Variants in ACACB observed in about 807,000 individuals in gnomAD.
The protein encoded by ACACB is acetyl-CoA carboxylase 2.
Under a neutral mutation model 278.8 loss-of-function variants are expected in ACACB, and 209 were observed. The ratio of observed to expected loss-of-function variants is 0.75; its 90% CI spans 0.67 to 0.84. The LOEUF (loss-of-function observed/expected upper bound fraction) is 0.84. Among genes scored for constraint, ACACB ranks in the 40% least tolerant of loss-of-function variants. ACACB has a pLI of 0.00. For missense variants in ACACB, 2,850 were observed against 3,269.0 expected (o/e 0.87, Z 3.13); for synonymous variants, 1,174 against 1,285.6 (o/e 0.91, Z 1.86).
chr12:109,169,115 G>A (rs1172152665), intron 4 of ACACB, among the ~76,000 whole-genome samples: 6 of 140,086 alleles, frequency 4.3e-5, no homozygotes, highest in Middle Eastern at 4.2e-3. Context: ...ACTGCACTGC[G>A]GCCTGGGCGA....
chr12:109,148,168 A>T (rs2043289055), intron 2 of ACACB, among the ~76,000 whole-genome samples: 1 of 152,190 alleles, frequency 6.6e-6, no homozygotes. Flanking sequence ...GGACTTGGAA[A>T]CAGTCCCTGA....
intron 47 of ACACB, among the ~76,000 whole-genome samples, chr12:109,259,476 A>G (rs903812462): frequency 5.9e-5 from 9 of 151,554 alleles, no homozygotes; most frequent in Middle Eastern, 3.2e-3. Context: ...TGTCCCAGCT[A>G]TTTGGGAGGC....
intron 11 of ACACB, among the ~76,000 whole-genome samples, chr12:109,183,723 A>T (rs913798195): frequency 2.0e-4 from 31 of 152,128 alleles, no homozygotes; most frequent in Admixed American, 2.0e-3. Context: ...TATCATCTGT[A>T]AACAAGGATA....
chr12:109,146,040 A>T (rs1282748000), intron 2 of ACACB, among the ~76,000 whole-genome samples: 1 of 152,132 alleles, frequency 6.6e-6, no homozygotes, highest in Non-Finnish European at 1.5e-5. Context: ...TTTTCTTGAT[A>T]AGTTGCTAAA....
In ACACB at chr12:109,205,287, T is replaced by C. The variant is rs539293691; in HGVS notation, c.2914-1423T>C. Among the ~76,000 whole-genome samples the C allele has an allele frequency of 2.0e-3, 309 of 152,334 alleles. 1 individual carries two copies. Among genetic ancestry groups the C allele is most frequent in the Middle Eastern group, 6.8e-3 (2 of 294 alleles). ...TGTGCTGGGTTAATGAGGCAGGGCCTGCCCACCCATTCCCTGCAGCCTCAC... is the reference window on the plus strand; with the variant it reads ...TGTGCTGGGTTAATGAGGCAGGGCCCGCCCACCCATTCCCTGCAGCCTCAC... On this transcript the variant is annotated intron_variant, in intron 19 of 52. Coordinates refer to ENST00000338432, the MANE Select transcript of ACACB (RefSeq NM_001093.4).
chr12:109,175,033 C>T (rs2044240013), intron 7 of ACACB, among the ~76,000 whole-genome samples: 1 of 152,128 alleles, frequency 6.6e-6, no homozygotes, highest in South Asian at 2.1e-4. Context: ...CATGGTTAAA[C>T]AATTTAGGTT....
intron 2 of ACACB, among the ~76,000 whole-genome samples, chr12:109,143,462 C>CA (rs10696128): frequency 0.015 from 1,540 of 103,976 alleles, 55 homozygotes; most frequent in African/African-American, 0.039. Context: ...GACCCTGTCT[C>CA]AAAAAAAAAA....
intron 16 of ACACB, 113 bp downstream of exon 16, chr12:109,193,842 T>G: frequency 2.2e-6 from 2 of 920,160 alleles, no homozygotes; most frequent in Non-Finnish European, 3.4e-6. Context: ...GTTTGAGCTC[T>G]TGTGTTCCTC....
At position 109,223,831 on chromosome 12, in the gene ACACB, AAAC is replaced by A. The variant is rs2046243777; in HGVS notation, c.3813_3815del (p.Thr1272del). On this transcript the variant is annotated inframe_deletion, in exon 27 of 53. Coordinates refer to ENST00000338432, the MANE Select transcript of ACACB (RefSeq NM_001093.4). ...TTCCCTTAGAAATTAATACTTTCGGAAACAACCATCTTCGACGTCCTGCCTACT... is the reference window on the plus strand; with the variant it reads ...TTCCCTTAGAAATTAATACTTTCGGAAACCATCTTCGACGTCCTGCCTACT... 6.2e-7 allele frequency: 1 copy of A among 1,614,032 alleles called. No individual in the cohort carries two copies. Among genetic ancestry groups the A allele is most frequent in the African/African-American group, 1.3e-5 (1 of 75,044 alleles).
chr12:109,125,393 C>T (rs758518130), intron 1 of ACACB: 1 of 152,148 alleles, frequency 6.6e-6, no homozygotes, highest in Non-Finnish European at 1.5e-5. Flanking sequence ...TCCAAGGAGT[C>T]CTGGTTCCTT....
In ACACB at chr12:109,210,222, T is replaced by TATGTATATATGTATATACACACAC. The variant is rs2045729585; in HGVS notation, c.3249+869_3249+870insATGTATATATGTATATACACACAC. 2.6e-4 allele frequency among the ~76,000 whole-genome samples: 3 copies of TATGTATATATGTATATACACACAC among 11,576 alleles called. 1 individual carries two copies. The highest frequency in any genetic ancestry group is 1.1e-3 in the Admixed American group (1 of 914). 7.6% of individuals were successfully genotyped at this position (11,576 alleles called of 152,430 possible). The stretch of plus-strand genomic sequence containing the variant: ...ATGTATATATGTATATATACACACA[T>TATGTATATATGTATATACACACAC]GTGTGTATATGTATATATGTATATA... On this transcript the variant is annotated intron_variant, in intron 21 of 52. Coordinates refer to ENST00000338432, the MANE Select transcript of ACACB (RefSeq NM_001093.4).
chr12:109,115,607 T>C (rs757968756), upstream of ACACB, among the ~76,000 whole-genome samples: 6 of 152,128 alleles, frequency 3.9e-5, no homozygotes, highest in Non-Finnish European at 8.8e-5. Flanking sequence ...TCCTGTAACA[T>C]GTACCTGGTG....
chr12:109,174,843 C>G (rs1021766521), intron 7 of ACACB, among the ~76,000 whole-genome samples: 1 of 152,186 alleles, frequency 6.6e-6, no homozygotes, highest in African/African-American at 2.4e-5. Flanking sequence ...GCACTCCAGC[C>G]TGGGTGATGA....
chr12:109,128,628 T>A (rs923953838), intron 1 of ACACB, among the ~76,000 whole-genome samples: 1 of 152,170 alleles, frequency 6.6e-6, no homozygotes, highest in Admixed American at 6.5e-5. Context: ...CGTGAGCCAC[T>A]GCACCCAGTC....
At chr12:109,203,220 C>T (rs977915673) in intron 19 of ACACB, among the ~76,000 whole-genome samples, 1 of 152,170 alleles carries the variant, frequency 6.6e-6, no homozygotes, top group Non-Finnish European at 1.5e-5. Flanking sequence ...CATAATATTC[C>T]CTTGTAGGGG....
chr12:109,175,861 G>A (rs911228706), intron 7 of ACACB, 70 bp from the exon 8 acceptor site: 20 of 1,346,818 alleles, frequency 1.5e-5, no homozygotes, highest in Middle Eastern at 1.8e-4. Flanking sequence ...AGGGAGAGGC[G>A]CTGTGGTTTC....
intron 19 of ACACB, among the ~76,000 whole-genome samples, chr12:109,205,412 G>A (rs1049283326): frequency 1.3e-5 from 2 of 151,986 alleles, no homozygotes; most frequent in Admixed American, 6.6e-5. Flanking sequence ...CCCACATGGA[G>A]AAGCTATGAT....
intron 1 of ACACB, among the ~76,000 whole-genome samples, chr12:109,126,302 C>T (rs922634192): frequency 7.2e-5 from 11 of 152,178 alleles, no homozygotes; most frequent in Non-Finnish European, 1.5e-4. Flanking sequence ...GGTGGAAAAA[C>T]GGCTCCTCTT....
chr12:109,237,104 G>T, intron 33 of ACACB, 61 bp from the exon 34 acceptor site: 1 of 1,560,738 alleles, frequency 6.4e-7, no homozygotes, highest in Non-Finnish European at 8.8e-7. Context: ...AAGCAGGGAC[G>T]CAGCTCCAAC....
Sources: gnomAD v4.1 joint callset for allele counts (sites outside exome capture counted in the v4.1 genomes callset) on GRCh38, gnomAD v4.1.1 for gene constraint, MANE v1.5 for transcripts, NCBI Gene and HGNC (gene_info 2026-07-23, HGNC 2026-07-21) for gene names.